GNB4: variants seen among roughly 807,000 people sequenced by gnomAD.
GNB4 encodes G protein subunit beta 4, also known as guanine nucleotide-binding protein subunit beta-4.
A neutral mutation model predicts 45.2 loss-of-function variants in GNB4; 28 were observed. That is an observed-to-expected ratio of 0.62 (90% confidence interval 0.46 to 0.85). GNB4 has a LOEUF of 0.85. Ranked by LOEUF, GNB4 falls within the 40% of genes least tolerant of loss-of-function variation. The probability of loss-of-function intolerance (pLI) is 0.00; values close to 1 mark genes in which losing one functional copy is unlikely to be tolerated. For missense variants in GNB4, 321 were observed against 425.4 expected (o/e 0.75, Z 2.16); for synonymous variants, 132 against 143.7 (o/e 0.92, Z 0.58).
At chr3:179,460,430 C>G in the GNB4 span, among the ~76,000 whole-genome samples, 1 of 152,112 alleles carries the variant, frequency 6.6e-6, no homozygotes, top group East Asian at 1.9e-4. Context: ...GGCAGCTGCA[C>G]AAATCTCTGC....
the GNB4 span, among the ~76,000 whole-genome samples, chr3:179,526,486 C>A: frequency 6.6e-6 from 1 of 152,174 alleles, no homozygotes; most frequent in Non-Finnish European, 1.5e-5. Flanking sequence ...GAGATATGAT[C>A]AAATATCCCT....
chr3:179,457,319 A>C, the GNB4 span, among the ~76,000 whole-genome samples: 1 of 152,240 alleles, frequency 6.6e-6, no homozygotes, highest in South Asian at 2.1e-4. Context: ...ATTGTTAATG[A>C]TAGCAAATTC....
chr3:179,527,782 G>GTGTA, the GNB4 span, among the ~76,000 whole-genome samples: 253 of 113,054 alleles, frequency 2.2e-3, 2 homozygotes, highest in African/African-American at 8.4e-3. Flanking sequence ...AAGTGCGTGT[G>GTGTA]TGTATGTATG....
chr3:179,424,098 A>G (rs1715076375), intron 2 of GNB4, among the ~76,000 whole-genome samples: 1 of 152,246 alleles, frequency 6.6e-6, no homozygotes, highest in African/African-American at 2.4e-5. Context: ...ACTTTAAGTT[A>G]TAGCAGAACA....
At chr3:179,489,191 A>T in the GNB4 span, among the ~76,000 whole-genome samples, 3 of 151,086 alleles carry the variant, frequency 2.0e-5, no homozygotes, top group African/African-American at 7.3e-5. Flanking sequence ...CACAAATGTC[A>T]TGTTATACAA....
chr3:179,483,166 T>C, the GNB4 span, among the ~76,000 whole-genome samples: 1 of 152,170 alleles, frequency 6.6e-6, no homozygotes, highest in Non-Finnish European at 1.5e-5. Context: ...CTGTTTTTCC[T>C]GTGTATACCC....
chr3:179,470,525 A>G, the GNB4 span, among the ~76,000 whole-genome samples: 1 of 150,162 alleles, frequency 6.7e-6, no homozygotes, highest in South Asian at 2.1e-4. Context: ...AAAAAAATAT[A>G]TATATATTAA....
intron 1 of GNB4, among the ~76,000 whole-genome samples, chr3:179,427,237 CCT>C (rs1316689048): frequency 6.6e-6 from 1 of 151,920 alleles, no homozygotes; most frequent in African/African-American, 2.4e-5. Flanking sequence ...CTCCTCTTAC[CCT>C]GTCTTGTTTT....
At chr3:179,489,019 A>ATT in the GNB4 span, among the ~76,000 whole-genome samples, 120 of 21,394 alleles carry the variant, frequency 5.6e-3, 9 homozygotes, top group Non-Finnish European at 8.5e-3. Context: ...AAAAAAAAAA[A>ATT]ATATATATAT....
the GNB4 span, among the ~76,000 whole-genome samples, chr3:179,471,240 C>CT: frequency 6.6e-6 from 1 of 150,904 alleles, no homozygotes; most frequent in East Asian, 1.9e-4. Flanking sequence ...ATAAGAAATA[C>CT]TTTTATAAAT....
chr3:179,471,172 C>T, the GNB4 span, among the ~76,000 whole-genome samples: 1 of 93,002 alleles, frequency 1.1e-5, no homozygotes, highest in Non-Finnish European at 2.1e-5. Flanking sequence ...GAGCGAGACT[C>T]CGTCTCAAAA....
the GNB4 span, among the ~76,000 whole-genome samples, chr3:179,496,899 C>A: frequency 3.3e-5 from 5 of 151,952 alleles, no homozygotes; most frequent in Non-Finnish European, 7.4e-5. Context: ...GTAGGGGTAT[C>A]CAATATTCCA....
At chr3:179,409,768 C>T (rs1369204887) in intron 8 of GNB4, among the ~76,000 whole-genome samples, 1 of 150,110 alleles carries the variant, frequency 6.7e-6, no homozygotes, top group East Asian at 1.9e-4. Context: ...CGAGATCGCA[C>T]CACTACACTC....
the GNB4 span, among the ~76,000 whole-genome samples, chr3:179,519,271 C>A: frequency 6.6e-6 from 1 of 152,226 alleles, no homozygotes; most frequent in African/African-American, 2.4e-5. Flanking sequence ...TCCAGAGCCC[C>A]TAAAACTCTG....
At chr3:179,458,821 G>A in the GNB4 span, among the ~76,000 whole-genome samples, 1 of 152,070 alleles carries the variant, frequency 6.6e-6, no homozygotes, top group Admixed American at 6.5e-5. Context: ...TAAGGATGCA[G>A]AAGATATGGA....
intron 1 of GNB4, among the ~76,000 whole-genome samples, chr3:179,442,907 G>A (rs1222531495): frequency 6.6e-6 from 1 of 152,156 alleles, no homozygotes; most frequent in Non-Finnish European, 1.5e-5. Context: ...TGGGATGAAA[G>A]GTGTGATCCA....
the GNB4 span, chr3:179,464,457 G>C: frequency 6.3e-7 from 1 of 1,597,940 alleles, no homozygotes; most frequent in Non-Finnish European, 8.6e-7. Context: ...AGATGAAGCT[G>C]TTGTAATTTC....
chr3:179,410,173 A>G (rs767903690), intron 8 of GNB4, among the ~76,000 whole-genome samples: 25 of 152,174 alleles, frequency 1.6e-4, no homozygotes, highest in Non-Finnish European at 3.1e-4. Flanking sequence ...TCTTCTCTTT[A>G]TAAATTACCC....
At chr3:179,440,782 A>C (rs1455950440) in intron 1 of GNB4, among the ~76,000 whole-genome samples, 1 of 152,166 alleles carries the variant, frequency 6.6e-6, no homozygotes, top group East Asian at 1.9e-4. Flanking sequence ...GAATTCATGG[A>C]ATTAAAACCT....
Sources: gnomAD v4.1 joint callset for allele counts (sites outside exome capture counted in the v4.1 genomes callset) on GRCh38, gnomAD v4.1.1 for gene constraint, MANE v1.5 for transcripts, NCBI Gene and HGNC (gene_info 2026-07-23, HGNC 2026-07-21) for gene names.